GABRA3: variants seen among roughly 807,000 people sequenced by gnomAD.
The protein encoded by GABRA3 is gamma-aminobutyric acid type A receptor subunit alpha3, also known as gamma-aminobutyric acid receptor subunit alpha-3.
GABRA3 carries 10 observed loss-of-function variants against 30.1 expected under a neutral mutation model. That is an observed-to-expected ratio of 0.33 (90% CI 0.20 to 0.56). The LOEUF (loss-of-function observed/expected upper bound fraction) is 0.56. Among genes scored for constraint, GABRA3 ranks in the 20% least tolerant of loss-of-function variants. The pLI is 0.89. For missense variants in GABRA3, 233 were observed against 392.0 expected, an observed-to-expected ratio of 0.59 and a Z score of 3.42; for synonymous variants, 151 against 146.8, an observed-to-expected ratio of 1.03 and a Z score of -0.21.
chrX:152,233,646 C>T (rs1475953961), intron 5 of GABRA3, among the ~76,000 whole-genome samples: 1 of 108,390 alleles, frequency 9.2e-6, no homozygotes, highest in African/African-American at 3.4e-5. Context: ...GGCGATTCCT[C>T]AGGGATCTAG....
intron 9 of GABRA3, among the ~76,000 whole-genome samples, chrX:152,182,644 C>CTATATATGCATATATAGTG (rs1453800179): frequency 7.9e-5 from 4 of 50,859 alleles, no homozygotes; most frequent in Non-Finnish European, 1.5e-4. Flanking sequence ...TATATATACA[C>CTATATATGCATATATAGTG]TATATATACA....
At chrX:152,249,465 T>C (rs1464553715) in intron 5 of GABRA3, among the ~76,000 whole-genome samples, 4 of 111,551 alleles carry the variant, frequency 3.6e-5, no homozygotes, top group Non-Finnish European at 5.7e-5. Flanking sequence ...GTATATATAA[T>C]ACGTAGTTGT....
At chrX:152,447,579 G>A (rs892103899) in intron 1 of GABRA3, among the ~76,000 whole-genome samples, 1 of 111,886 alleles carries the variant, frequency 8.9e-6, no homozygotes, top group African/African-American at 3.3e-5. Context: ...AATGGCTAAC[G>A]GTATAATTAA....
chrX:152,189,982 C>T (rs1341059165), intron 8 of GABRA3, 41 bp from the exon 9 acceptor site: 12 of 955,783 alleles, frequency 1.3e-5, no homozygotes, highest in Non-Finnish European at 1.6e-5. Context: ...AACTGGAAGA[C>T]ATTGAGAGCT....
At chrX:152,377,740 G>C (rs1454147098) in intron 1 of GABRA3, among the ~76,000 whole-genome samples, 1 of 111,713 alleles carries the variant, frequency 9.0e-6, no homozygotes, top group Non-Finnish European at 1.9e-5. Flanking sequence ...CAGCCTCATA[G>C]AGCAAGGAGT....
chrX:152,395,512 G>A (rs967511466), intron 1 of GABRA3, among the ~76,000 whole-genome samples: 5 of 111,129 alleles, frequency 4.5e-5, no homozygotes, highest in African/African-American at 1.3e-4. Context: ...GTCCCTATCC[G>A]ATATCCACAA....
At chrX:152,241,359 G>C (rs780677275) in intron 5 of GABRA3, among the ~76,000 whole-genome samples, 67 of 89,748 alleles carry the variant, frequency 7.5e-4, no homozygotes, top group Middle Eastern at 5.6e-3. Flanking sequence ...GCAGTCTGCC[G>C]GTTCTCAGAT....
At chrX:152,350,979 T>A (rs1940470704) in intron 2 of GABRA3, among the ~76,000 whole-genome samples, 1 of 111,903 alleles carries the variant, frequency 8.9e-6, no homozygotes, top group Non-Finnish European at 1.9e-5. Context: ...AAGGAGTACT[T>A]TTTCCTGGGA....
chrX:152,273,724 G>A (rs1467638329), intron 4 of GABRA3, among the ~76,000 whole-genome samples: 4 of 111,640 alleles, frequency 3.6e-5, no homozygotes, highest in Non-Finnish European at 7.5e-5. Flanking sequence ...CTTACATGTA[G>A]GAGCTAAAAA....
intron 1 of GABRA3, among the ~76,000 whole-genome samples, chrX:152,418,690 A>T (rs886852402): frequency 2.7e-5 from 3 of 111,939 alleles, no homozygotes; most frequent in African/African-American, 9.7e-5. Context: ...TCAATGAAAT[A>T]AAAAATCTGT....
intron 1 of GABRA3, among the ~76,000 whole-genome samples, chrX:152,434,599 A>T (rs1930730764): frequency 8.9e-6 from 1 of 111,804 alleles, no homozygotes; most frequent in Non-Finnish European, 1.9e-5. Flanking sequence ...AAGAAAAGAA[A>T]ATTAAAGACC....
intron 1 of GABRA3, among the ~76,000 whole-genome samples, chrX:152,403,032 A>G (rs770181347): frequency 8.9e-6 from 1 of 111,848 alleles, no homozygotes; most frequent in Admixed American, 9.5e-5. Context: ...AAGAGTTAAT[A>G]CTTTATTTAT....
chrX:152,223,835 T>C (rs1937887319), intron 6 of GABRA3, among the ~76,000 whole-genome samples: 1 of 110,714 alleles, frequency 9.0e-6, no homozygotes, highest in Admixed American at 9.7e-5. Flanking sequence ...CCATGTTGCT[T>C]CTCATATTAC....
chrX:152,243,370 G>A (rs1938413152), intron 5 of GABRA3, among the ~76,000 whole-genome samples: 1 of 111,509 alleles, frequency 9.0e-6, no homozygotes, highest in Non-Finnish European at 1.9e-5. Flanking sequence ...GAGATGTGAG[G>A]TAATGCATAT....
intron 7 of GABRA3, among the ~76,000 whole-genome samples, chrX:152,199,162 C>A (rs144218573): frequency 1.8e-5 from 2 of 110,221 alleles, no homozygotes; most frequent in Non-Finnish European, 1.9e-5. Context: ...GTCAGGAGAT[C>A]GAGACCATCC....
At chrX:152,187,971 AT>A (rs762052562) in intron 9 of GABRA3, among the ~76,000 whole-genome samples, 1 of 112,232 alleles carries the variant, frequency 8.9e-6, no homozygotes, top group East Asian at 2.8e-4. Context: ...TTATTTAAGT[AT>A]AAACACAATA....
intron 1 of GABRA3, among the ~76,000 whole-genome samples, chrX:152,436,560 A>G (rs1039763994): frequency 8.9e-6 from 1 of 112,103 alleles, no homozygotes; most frequent in African/African-American, 3.2e-5. Flanking sequence ...AACAGAATAG[A>G]GTCCAGAAGT....
At chrX:152,214,592 GT>G (rs1219714904) in intron 6 of GABRA3, among the ~76,000 whole-genome samples, 1 of 110,926 alleles carries the variant, frequency 9.0e-6, no homozygotes, top group Non-Finnish European at 1.9e-5. Context: ...ATTTTAGAAT[GT>G]TTTTTCTATT....
At chrX:152,183,494 A>C (rs1234808101) in intron 9 of GABRA3, among the ~76,000 whole-genome samples, 1 of 108,575 alleles carries the variant, frequency 9.2e-6, no homozygotes, top group Non-Finnish European at 1.9e-5. Flanking sequence ...TCTTTTGAAA[A>C]AAAAACACAT....
Sources: gnomAD v4.1 joint callset for allele counts (sites outside exome capture counted in the v4.1 genomes callset) on GRCh38, gnomAD v4.1.1 for gene constraint, MANE v1.5 for transcripts, NCBI Gene and HGNC (gene_info 2026-07-23, HGNC 2026-07-21) for gene names.